Variants in GEMIN5 observed in about 807,000 individuals in gnomAD.
The protein encoded by GEMIN5 is gem-associated protein 5.
GEMIN5 carries 124 observed loss-of-function variants against 176.9 expected under a neutral mutation model. The ratio of observed to expected loss-of-function variants is 0.70; its 90% CI spans 0.61 to 0.81. The LOEUF is 0.81. GEMIN5 is among the 40% of genes least tolerant of loss of function. GEMIN5 has a pLI of 0.00. For synonymous variants in GEMIN5, 673 were observed against 665.2 expected (o/e 1.01, Z -0.18); for missense variants, 1,843 against 1,814.6 (o/e 1.02, Z -0.28).
chr5:154,904,613 C>T lies in GEMIN5; in HGVS notation c.2526G>A (p.Lys842=). The part of the protein sequence containing the change: ...PKEKPETLIK[K]RKARSLLPLS... The stretch of plus-strand genomic sequence containing the variant: ...GGGGAAGCAAGGAACGAGCTTTTCT[C>T]TTCTTGATTAAGGTTTCTGAAATTT... The change falls in exon 18 of 28, where the codon AAG becomes AAA. Residue 842 remains lysine (K), a synonymous_variant. Coordinates refer to ENST00000285873, the MANE Select transcript of GEMIN5 (RefSeq NM_015465.5). 2 of 1,611,390 alleles carry T rather than the reference C, an allele frequency of 1.2e-6. No individual in the cohort carries two copies. Among genetic ancestry groups the T allele is most frequent in the Non-Finnish European group, 1.7e-6 (2 of 1,177,648 alleles).
At chr5:154,902,980 C>T (rs181065453) in intron 19 of GEMIN5, 100 bp downstream of exon 19, 3 of 811,574 alleles carry the variant, frequency 3.7e-6, no homozygotes, top group Non-Finnish European at 6.0e-6. Flanking sequence ...GTAAAACTAA[C>T]CATTATAATA....
Position 154,893,343 on chromosome 5 carries a change from T to C in GEMIN5, c.3598-794A>G, listed in dbSNP as rs188658912. Among the ~76,000 whole-genome samples, 58 of 149,302 alleles carry C rather than the reference T, an allele frequency of 3.9e-4. No homozygotes were observed. In the East Asian group the frequency reaches 9.8e-3, roughly 25 times the overall value. On this transcript the variant is annotated intron_variant, in intron 24 of 27. Coordinates refer to ENST00000285873, the MANE Select transcript of GEMIN5 (RefSeq NM_015465.5). ...TACTTGGGAGGCTGAGGCGGAAGAA[T>C]TGCTTGAACCCGAGAGGCGGAGGTT...
intron 4 of GEMIN5, chr5:154,931,835 A>T: frequency 2.0e-6 from 1 of 487,898 alleles, no homozygotes; most frequent in Non-Finnish European, 3.6e-6. Flanking sequence ...ACCAACATGG[A>T]GAAACCTGTC....
At chr5:154,891,884 T>G (rs1048756829) in intron 25 of GEMIN5, 142 bp from the exon 26 acceptor site, 2 of 786,820 alleles carry the variant, frequency 2.5e-6, no homozygotes, top group South Asian at 1.8e-5. Flanking sequence ...CCGGGCCACA[T>G]GCCTTTCCAC....
Position 154,896,237 on chromosome 5 carries a change from C to A in GEMIN5, c.3452G>T (p.Gly1151Val). The A allele has an allele frequency of 4.3e-6, 7 of 1,613,768 alleles. No individual in the cohort carries two copies. The highest frequency in any genetic ancestry group is 5.9e-6 in the Non-Finnish European group (7 of 1,179,876). The stretch of plus-strand genomic sequence containing the variant: ...CCTCTCCACGAAAGGCCCTTCGGTG[C>A]CCGTGTTCCAAGTGTGGTAAGAGGA... ...SSSSYHTWNT[G>V]TEGPFVERVT... Residue 1151 changes from glycine to valine, a missense_variant, in exon 24 of 28, where the codon GGC becomes GTC. Transcript: ENST00000285873.
intron 18 of GEMIN5, 138 bp from the exon 19 acceptor site, chr5:154,903,313 C>T (rs554064979): frequency 3.2e-6 from 2 of 621,040 alleles, no homozygotes; most frequent in African/African-American, 3.7e-5. Context: ...GAGACTCCTG[C>T]AGTTACAAAG....
intron 8 of GEMIN5, 140 bp downstream of exon 8, chr5:154,925,722 C>T (rs1764015415): frequency 3.3e-6 from 2 of 600,942 alleles, no homozygotes; most frequent in South Asian, 4.3e-5. Flanking sequence ...CAGGATCATT[C>T]TGCTTTCCTA....
At position 154,902,687 on chromosome 5, in the gene GEMIN5, G is replaced by A. The variant is rs1274747600; in HGVS notation, c.2729-11C>T. ...CTAAGTGACCTTTTCCTGTTTGAAA[G>A]AGAGATAATGTTTGGAAGGTGTTTC... On this transcript the variant is annotated splice_polypyrimidine_tract_variant and intron_variant, in intron 19 of 27. Transcript: ENST00000285873. The A allele has an allele frequency of 6.2e-7, 1 of 1,612,580 alleles. No homozygotes were observed. Among genetic ancestry groups the A allele is most frequent in the African/African-American group, 1.3e-5 (1 of 74,866 alleles).
intron 3 of GEMIN5, among the ~76,000 whole-genome samples, chr5:154,934,559 G>T (rs539626304): frequency 6.6e-6 from 1 of 151,942 alleles, no homozygotes; most frequent in Non-Finnish European, 1.5e-5. Context: ...TGATCCACCC[G>T]CCTCGGCCTC....
intron 4 of GEMIN5, 73 bp from the exon 5 acceptor site, chr5:154,931,650 G>C: frequency 7.6e-7 from 1 of 1,314,438 alleles, no homozygotes; most frequent in Non-Finnish European, 1.1e-6. Flanking sequence ...TAGTTTGCAA[G>C]AGTTTCCAAA....
chr5:154,893,255 TAAAAAAAAAAAA>T (rs70981957), intron 24 of GEMIN5, among the ~76,000 whole-genome samples: 4 of 85,680 alleles, frequency 4.7e-5, no homozygotes, highest in East Asian at 3.3e-4. Context: ...AGCCCGTCTC[TAAAAAAAAAAAA>T]AAAAAAAAAA....
intron 2 of GEMIN5, 43 bp from the exon 3 acceptor site, chr5:154,936,065 T>C (rs143020924): frequency 4.0e-4 from 484 of 1,225,016 alleles, no homozygotes; most frequent in Non-Finnish European, 5.3e-4. Flanking sequence ...ATGCTGAAGT[T>C]CTACTTAATT....
rs150926825 is a variant in GEMIN5, at chr5:154,917,529, T to C, written c.1674-350A>G. Among the ~76,000 whole-genome samples, 64 of 152,268 alleles carry C rather than the reference T, an allele frequency of 4.2e-4. No homozygotes were observed. The Middle Eastern group carries it at 0.01, about 24-fold the overall frequency. ...ATCAGGCATTAATGACAAATGATGA[T>C]AGGGAGAAGCTAAAATAATTAACAG... On this transcript the variant is annotated intron_variant, in intron 12 of 27. Transcript: ENST00000285873.
chr5:154,904,440 A>T (rs1763528424), intron 18 of GEMIN5, 67 bp downstream of exon 18: 2 of 1,341,180 alleles, frequency 1.5e-6, no homozygotes, highest in East Asian at 4.7e-5. Context: ...TTTAATAAAT[A>T]AGTAAACATC....
chr5:154,938,035 C>G lies in GEMIN5; in HGVS notation c.99G>C (p.Arg33=). 1 of 1,552,244 alleles carries G rather than the reference C, an allele frequency of 6.4e-7. No individual in the cohort carries two copies. Residue 33 remains arginine, a synonymous_variant, in exon 1 of 28, where the codon CGG becomes CGC. Transcript: ENST00000285873. The part of the protein sequence containing the change: ...VPGGLFGFAA[R]TSVFLVRVGP... ...CCACGCGGACAAGGAAGACGGAGGT[C>G]CGCGCGGCGAAGCCAAAGAGGCCCC...
chr5:154,896,694 TTCTTTCTCCCTGA>T (rs1323837467), intron 23 of GEMIN5, among the ~76,000 whole-genome samples: 2 of 152,338 alleles, frequency 1.3e-5, no homozygotes, highest in East Asian at 3.9e-4. Context: ...GCTCATCAGG[TTCTTTCTCCCTGA>T]CCAAACTTTG....
At chr5:154,934,038 T>C (rs764439045) in intron 3 of GEMIN5, among the ~76,000 whole-genome samples, 10 of 152,086 alleles carry the variant, frequency 6.6e-5, no homozygotes, top group East Asian at 1.9e-4. Context: ...TTTTTTGAGA[T>C]AGAGTCTTGC....
At chr5:154,918,859 C>T (rs1763863557) in intron 11 of GEMIN5, among the ~76,000 whole-genome samples, 1 of 151,910 alleles carries the variant, frequency 6.6e-6, no homozygotes, top group Non-Finnish European at 1.5e-5. Flanking sequence ...GCCTGGCCAA[C>T]ATGGTGAAAC....
At chr5:154,899,387 G>T in intron 21 of GEMIN5, 77 bp from the exon 22 acceptor site, 1 of 1,206,654 alleles carries the variant, frequency 8.3e-7, no homozygotes, top group Non-Finnish European at 1.1e-6. Context: ...CTGTAAGACA[G>T]GACAAACTGT....
Sources: allele counts gnomAD v4.1 joint callset (sites outside exome capture counted in the v4.1 genomes callset), GRCh38; gene constraint gnomAD v4.1.1; transcripts MANE v1.5; gene names NCBI Gene and HGNC (gene_info 2026-07-23, HGNC 2026-07-21).